Variants in STK32B observed in about 807,000 individuals in gnomAD.
STK32B encodes serine/threonine-protein kinase 32B.
Under a neutral mutation model 52.6 loss-of-function variants are expected in STK32B, and 43 were observed. The observed-to-expected ratio is 0.82, with a 90% CI of 0.64 to 1.05. The LOEUF is 1.05. Ranked by LOEUF, STK32B falls within the 50% of genes least tolerant of loss-of-function variation. The probability of loss-of-function intolerance (pLI) is 0.00; values close to 1 mark genes in which losing one functional copy is unlikely to be tolerated. For synonymous variants in STK32B, 238 were observed against 204.3 expected, an observed-to-expected ratio of 1.17 and a Z score of -1.41; for missense variants, 621 against 534.6, an observed-to-expected ratio of 1.16 and a Z score of -1.59.
At position 5,226,705 on chromosome 4, in the gene STK32B, A is replaced by G. The variant is rs554887854; in HGVS notation, c.260+58255A>G. Among the ~76,000 whole-genome samples, 24 of 152,326 alleles carry G rather than the reference A, an allele frequency of 1.6e-4. No individual in the cohort carries two copies. The South Asian group carries it at 3.7e-3, about 24-fold the overall frequency. ...GAGAAGTGAAGTTGGCAATTTGGAT[A>G]TGCCAAAAAGAAGCCAAATATATGC... On this transcript the variant is annotated intron_variant, in intron 3 of 11. Transcript: ENST00000282908.
intron 2 of STK32B, among the ~76,000 whole-genome samples, chr4:5,165,772 T>A (rs1231021226): frequency 1.3e-5 from 2 of 152,190 alleles, no homozygotes; most frequent in Non-Finnish European, 2.9e-5. Context: ...CATTTTATAT[T>A]CTCACGTTCA....
intron 6 of STK32B, among the ~76,000 whole-genome samples, chr4:5,442,923 A>G (rs1405324704): frequency 1.3e-5 from 2 of 151,912 alleles, no homozygotes; most frequent in East Asian, 1.9e-4. Flanking sequence ...AAGAATGTTG[A>G]ATATTGGCCC....
In STK32B at chr4:5,468,085, C is replaced by T. The variant is rs750225678; in HGVS notation, c.1106+15C>T. 2 of 1,613,542 alleles carry T rather than the reference C, an allele frequency of 1.2e-6. No homozygotes were observed. Among genetic ancestry groups the T allele is most frequent in the Non-Finnish European group, 1.7e-6 (2 of 1,179,474 alleles). On this transcript the variant is annotated intron_variant, in intron 11 of 11. Coordinates refer to ENST00000282908, the MANE Select transcript of STK32B (RefSeq NM_018401.3). ...AACAGAGAGAAGTAAGTCCTTCATA[C>T]TGTCCCCCTTGGGCAAAGCCTGTCC...
chr4:5,182,347 A>G (rs563435203), intron 3 of STK32B, among the ~76,000 whole-genome samples: 186 of 152,322 alleles, frequency 1.2e-3, no homozygotes, highest in Non-Finnish European at 1.5e-3. Flanking sequence ...GATGTTCTTA[A>G]TGGCATCTAG....
intron 6 of STK32B, among the ~76,000 whole-genome samples, chr4:5,442,739 G>C (rs567516808): frequency 1.3e-5 from 2 of 152,180 alleles, no homozygotes; most frequent in East Asian, 1.9e-4. Context: ...GCAGTGGCTG[G>C]TACCGGTTGT....
At chr4:5,488,835 A>T (rs1418998228) in intron 11 of STK32B, among the ~76,000 whole-genome samples, 1 of 151,978 alleles carries the variant, frequency 6.6e-6, no homozygotes, top group Non-Finnish European at 1.5e-5. Flanking sequence ...TTCTTGCTAG[A>T]TTTATATTTT....
chr4:5,085,534 C>T (rs988553285), intron 1 of STK32B, among the ~76,000 whole-genome samples: 1 of 152,180 alleles, frequency 6.6e-6, no homozygotes, highest in African/African-American at 2.4e-5. Flanking sequence ...CCGGATAGTT[C>T]TAAGGAAGCA....
Position 5,196,676 on chromosome 4 carries a change from G to A in STK32B, c.260+28226G>A, listed in dbSNP as rs1401729379. 7.3e-5 allele frequency among the ~76,000 whole-genome samples: 11 copies of A among 151,646 alleles called. 2 individuals are homozygous for A. The Middle Eastern group carries it at 0.024, about 330-fold the overall frequency. ...GCGGAGGTTGCAGTGAGCTGAGATCGTGCCACTGCTCTCCAGTCTGGGCGG... is the reference window on the plus strand; with the variant it reads ...GCGGAGGTTGCAGTGAGCTGAGATCATGCCACTGCTCTCCAGTCTGGGCGG... On this transcript the variant is annotated intron_variant, in intron 3 of 11. Transcript: ENST00000282908.
intron 11 of STK32B, among the ~76,000 whole-genome samples, chr4:5,488,021 C>T (rs1188078444): frequency 2.6e-5 from 4 of 152,190 alleles, no homozygotes; most frequent in Admixed American, 2.6e-4. Flanking sequence ...AGGACCTAGG[C>T]TGGTCTATAG....
At chr4:5,245,375 GT>G (rs1725365906) in intron 3 of STK32B, among the ~76,000 whole-genome samples, 1 of 152,076 alleles carries the variant, frequency 6.6e-6, no homozygotes, top group Non-Finnish European at 1.5e-5. Context: ...TTTAAAGTCT[GT>G]TTTATCAGAG....
intron 3 of STK32B, among the ~76,000 whole-genome samples, chr4:5,217,647 T>A (rs1474516925): frequency 1.3e-5 from 2 of 152,244 alleles, no homozygotes; most frequent in Non-Finnish European, 2.9e-5. Context: ...AAGAGCCATC[T>A]GACTTATTGT....
Position 5,439,448 on chromosome 4 carries a change from T to C in STK32B, c.563-7225T>C, listed in dbSNP as rs1401751451. ...GTCCTTCGCCCACTTTTTGATGGGG[T>C]TGTTTGTTTTTTTCTTGTAAATTTG... On this transcript the variant is annotated intron_variant, in intron 6 of 11. Coordinates refer to ENST00000282908, the MANE Select transcript of STK32B (RefSeq NM_018401.3). Among the ~76,000 whole-genome samples the C allele has an allele frequency of 6.9e-3, 1,049 of 151,890 alleles. 8 individuals are homozygous for C. The highest frequency in any genetic ancestry group is 7.9e-3 in the Non-Finnish European group (536 of 67,910).
chr4:5,445,170 G>A (rs112294690), intron 6 of STK32B, among the ~76,000 whole-genome samples: 5,410 of 152,266 alleles, frequency 0.036, 301 homozygotes, highest in African/African-American at 0.12. Flanking sequence ...GTGGGTGAAA[G>A]TGCACTTAGA....
intron 11 of STK32B, among the ~76,000 whole-genome samples, chr4:5,472,165 A>T (rs1476464694): frequency 4.6e-5 from 7 of 152,198 alleles, no homozygotes; most frequent in Non-Finnish European, 1.0e-4. Flanking sequence ...TGACAGCTAA[A>T]TCATAATCCT....
intron 3 of STK32B, among the ~76,000 whole-genome samples, chr4:5,233,258 G>A (rs16836918): frequency 6.6e-6 from 1 of 152,162 alleles, no homozygotes; most frequent in African/African-American, 2.4e-5. Context: ...CTAAGGCAAG[G>A]TTATGTGGTA....
intron 3 of STK32B, among the ~76,000 whole-genome samples, chr4:5,263,921 A>G (rs1726888937): frequency 6.6e-6 from 1 of 152,212 alleles, no homozygotes; most frequent in Non-Finnish European, 1.5e-5. Context: ...TGTATGAATG[A>G]AAATATTGTG....
chr4:5,430,557 G>C (rs115618992), intron 6 of STK32B, among the ~76,000 whole-genome samples: 1 of 152,146 alleles, frequency 6.6e-6, no homozygotes, highest in Non-Finnish European at 1.5e-5. Flanking sequence ...GTATGATTCT[G>C]TTAATTTCTT....
At chr4:5,292,223 G>T (rs28593005) in intron 3 of STK32B, among the ~76,000 whole-genome samples, 11,424 of 152,116 alleles carry the variant, frequency 0.075, 476 homozygotes, top group South Asian at 0.099. Flanking sequence ...TCTCCAAATT[G>T]CTTTCTATGG....
chr4:5,276,405 C>T (rs1186003541), intron 3 of STK32B, among the ~76,000 whole-genome samples: 2 of 152,194 alleles, frequency 1.3e-5, no homozygotes, highest in African/African-American at 2.4e-5. Context: ...AAGGGGCCCT[C>T]TCCTAATATA....
Sources: gnomAD v4.1 joint callset for allele counts (sites outside exome capture counted in the v4.1 genomes callset) on GRCh38, gnomAD v4.1.1 for gene constraint, MANE v1.5 for transcripts, NCBI Gene and HGNC (gene_info 2026-07-23, HGNC 2026-07-21) for gene names.